CD80: variants seen among roughly 807,000 people sequenced by gnomAD.
CD80 encodes the protein T-lymphocyte activation antigen CD80.
In CD80, 13 loss-of-function variants were observed where a neutral mutation model predicts 27.1. The observed-to-expected ratio is 0.48, with a 90% confidence interval of 0.31 to 0.76. CD80 has a LOEUF of 0.76. CD80 is among the 30% of genes least tolerant of loss of function. The pLI is 0.04. For synonymous variants in CD80, 125 were observed against 125.5 expected (o/e 1.00, Z 0.03); for missense variants, 277 against 347.9 (o/e 0.80, Z 1.62).
chr3:119,538,232 A>G (rs624035), intron 3 of CD80, among the ~76,000 whole-genome samples: 107,759 of 152,092 alleles, frequency 0.71, 38,295 homozygotes, highest in East Asian at 0.81. Flanking sequence ...CAGTAATGGC[A>G]GAATTCAAAT....
At chr3:119,542,706 A>C (rs2082176657) in intron 3 of CD80, among the ~76,000 whole-genome samples, 1 of 152,182 alleles carries the variant, frequency 6.6e-6, no homozygotes, top group Admixed American at 6.5e-5. Flanking sequence ...GGCTGAACTA[A>C]CTTTGGTAGA....
At position 119,557,940 on chromosome 3, in the gene CD80, A is replaced by G; in HGVS notation, c.-200-12T>C. 1 of 387,068 alleles carries G rather than the reference A, an allele frequency of 2.6e-6. No homozygotes were observed. The highest frequency in any genetic ancestry group is 8.7e-5 in the South Asian group (1 of 11,498). 24.0% of individuals were successfully genotyped at this position (387,068 alleles called of 1,614,324 possible). A position where few individuals can be genotyped will look rare whatever the true frequency, so the allele number is the denominator to read the frequency against. ...TTTAGTTTCACAGCCTGAAAAAGGA[A>G]CAAATAAAAGTCATTCAGGAAGGAA... On this transcript the variant is annotated splice_polypyrimidine_tract_variant and intron_variant, in intron 1 of 6. Coordinates refer to ENST00000264246, the MANE Select transcript of CD80 (RefSeq NM_005191.4).
At chr3:119,553,100 A>G (rs2107747856) in intron 2 of CD80, among the ~76,000 whole-genome samples, 1 of 136,140 alleles carries the variant, frequency 7.3e-6, no homozygotes, top group Admixed American at 7.4e-5. Flanking sequence ...ACTGAATTGT[A>G]CACTTTATTT....
chr3:119,535,191 CA>C (rs56348025), intron 4 of CD80, among the ~76,000 whole-genome samples: 1,475 of 84,958 alleles, frequency 0.017, 13 homozygotes, highest in African/African-American at 0.018. Flanking sequence ...GACTCCGTCT[CA>C]AAAAAAAAAA....
intron 3 of CD80, among the ~76,000 whole-genome samples, chr3:119,539,838 T>G (rs769521913): frequency 6.6e-6 from 1 of 152,226 alleles, no homozygotes; most frequent in Non-Finnish European, 1.5e-5. Context: ...AGTTCTGCCT[T>G]GTGACCCTGG....
intron 2 of CD80, among the ~76,000 whole-genome samples, chr3:119,550,799 C>A (rs2082227094): frequency 6.6e-6 from 1 of 152,136 alleles, no homozygotes; most frequent in Non-Finnish European, 1.5e-5. Flanking sequence ...CTCCACAGTA[C>A]CTAGGACATT....
At chr3:119,535,907 A>G (rs2082135341) in intron 4 of CD80, among the ~76,000 whole-genome samples, 1 of 152,206 alleles carries the variant, frequency 6.6e-6, no homozygotes, top group Non-Finnish European at 1.5e-5. Flanking sequence ...TTTAAGATGA[A>G]TGCTTGATGG....
intron 4 of CD80, among the ~76,000 whole-genome samples, chr3:119,531,493 G>T (rs973038294): frequency 2.0e-5 from 3 of 152,108 alleles, no homozygotes; most frequent in Admixed American, 2.0e-4. Flanking sequence ...ATTGTGAATT[G>T]CCACTGTTGT....
At position 119,537,375 on chromosome 3, in the gene CD80, A is replaced by G; in HGVS notation, c.462T>C (p.Thr154=). 2 of 1,613,012 alleles carry G rather than the reference A, an allele frequency of 1.2e-6. No homozygotes were observed. The highest frequency in any genetic ancestry group is 2.2e-5 in the South Asian group (2 of 91,058). Residue 154 remains threonine (T), a synonymous_variant, in exon 4 of 7, where the codon ACT becomes ACC. Coordinates refer to ENST00000264246, the MANE Select transcript of CD80 (RefSeq NM_005191.4). ...TPSISDFEIP[T]SNIRRIICST... ...AGCAAATTATCCTTCTAATATTAGA[A>G]GTTGGAATTTCAAAGTCAGATATAC...
chr3:119,533,292 T>C (rs2082119414), intron 4 of CD80, among the ~76,000 whole-genome samples: 1 of 152,310 alleles, frequency 6.6e-6, no homozygotes, highest in Middle Eastern at 3.4e-3. Flanking sequence ...GCTTATTAGA[T>C]ACCATGAGTA....
At chr3:119,529,791 A>G (rs1387858567) in intron 5 of CD80, 51 bp downstream of exon 5, 4 of 1,253,264 alleles carry the variant, frequency 3.2e-6, no homozygotes, top group Non-Finnish European at 2.3e-6. Context: ...CATGGTAATA[A>G]AGTTTGATCT....
chr3:119,552,028 C>CACCT (rs1340640618), intron 2 of CD80, among the ~76,000 whole-genome samples: 2 of 152,202 alleles, frequency 1.3e-5, no homozygotes, highest in Non-Finnish European at 2.9e-5. Flanking sequence ...GGAAACTGCC[C>CACCT]ACCTGTAGGG....
intron 2 of CD80, among the ~76,000 whole-genome samples, chr3:119,550,935 C>A (rs954248132): frequency 6.6e-6 from 1 of 152,166 alleles, no homozygotes; most frequent in African/African-American, 2.4e-5. Flanking sequence ...ATCCTCCCTG[C>A]CCCCCTCCAT....
chr3:119,547,909 A>G lies in CD80; in HGVS notation c.101-3042T>C, dbSNP rs567100961. 4.6e-5 allele frequency among the ~76,000 whole-genome samples: 7 copies of G among 152,236 alleles called. No homozygotes were observed. The South Asian group carries it at 1.2e-3, about 27-fold the overall frequency. ...TGGGTAAAGCTCTTCCAGTGACGTT[A>G]TCTTTCAAGAGTTATCCAGAATCTT... is the stretch of plus-strand genomic sequence containing the variant. On this transcript the variant is annotated intron_variant, in intron 2 of 6. Coordinates refer to ENST00000264246, the MANE Select transcript of CD80 (RefSeq NM_005191.4).
intron 2 of CD80, among the ~76,000 whole-genome samples, chr3:119,555,384 C>T (rs534967700): frequency 6.6e-6 from 1 of 152,334 alleles, no homozygotes; most frequent in South Asian, 2.1e-4. Context: ...ATTCACTTCT[C>T]TAAAAAATTC....
At chr3:119,543,955 C>T (rs541947107) in intron 3 of CD80, among the ~76,000 whole-genome samples, 2 of 142,234 alleles carry the variant, frequency 1.4e-5, no homozygotes, top group South Asian at 4.4e-4. Context: ...GTGGTGCAAT[C>T]TCAGCTCATT....
chr3:119,549,238 G>A (rs898665006), intron 2 of CD80, among the ~76,000 whole-genome samples: 1 of 152,016 alleles, frequency 6.6e-6, no homozygotes, highest in Non-Finnish European at 1.5e-5. Context: ...TTACCCTCCA[G>A]CCTGGATTTG....
chr3:119,554,380 C>T (rs1478583916), intron 2 of CD80, among the ~76,000 whole-genome samples: 2 of 152,206 alleles, frequency 1.3e-5, no homozygotes, highest in African/African-American at 2.4e-5. Context: ...TTTCCCCTCT[C>T]CTTAGACCTG....
chr3:119,545,159 C>T (rs965688650), intron 2 of CD80, among the ~76,000 whole-genome samples: 14 of 152,126 alleles, frequency 9.2e-5, no homozygotes, highest in Non-Finnish European at 4.4e-5. Flanking sequence ...GCCGGGCCAA[C>T]ATGGTGAAAC....
Sources: allele counts gnomAD v4.1 joint callset (sites outside exome capture counted in the v4.1 genomes callset), GRCh38; gene constraint gnomAD v4.1.1; transcripts MANE v1.5; gene names NCBI Gene and HGNC (gene_info 2026-07-23, HGNC 2026-07-21).